The following SPATA13 variants were observed in gnomAD, a reference collection of about 807,000 sequenced individuals.
SPATA13 encodes the protein spermatogenesis associated 13.
Under a neutral mutation model 104.0 loss-of-function variants are expected in SPATA13, and 50 were observed. The ratio of observed to expected loss-of-function variants is 0.48; its 90% CI spans 0.38 to 0.61. The LOEUF (loss-of-function observed/expected upper bound fraction) is 0.61, where lower values mean the gene tolerates loss of function less well. Ranked by LOEUF, SPATA13 falls within the 20% of genes least tolerant of loss-of-function variation. SPATA13 has a pLI of 0.00. For missense variants in SPATA13, 1,524 were observed against 1,690.6 expected (o/e 0.90, Z 1.73); for synonymous variants, 606 against 667.5 (o/e 0.91, Z 1.42).
rs58632380 is a variant in SPATA13, at chr13:24,299,213, T to G, written c.3584-1188T>G. ...GTTTGGATTCCCAAAGACGGCACTA[T>G]TTAGTGGGGGCATCCTATGTGCTTT... is the stretch of plus-strand genomic sequence containing the variant. On this transcript the variant is annotated intron_variant, in intron 11 of 12. Transcript: ENST00000382108. Among the ~76,000 whole-genome samples the G allele has an allele frequency of 6.3e-3, 952 of 152,242 alleles. 14 individuals carry two copies. The highest frequency in any genetic ancestry group is 0.022 in the African/African-American group (909 of 41,530).
In SPATA13 at chr13:24,223,934, G is replaced by C. The variant is rs1294207186; in HGVS notation, c.1005G>C (p.Glu335Asp). Residue 335 changes from glutamate (E) to aspartate (D), a missense_variant, in exon 2 of 13, where the codon GAG (glutamate) becomes GAC (aspartate). Around this residue, in one of 2 missense-constraint regions of SPATA13, gnomAD observed 1,089 missense variants for 1,135.9 expected, o/e 0.96. Transcript: ENST00000382108. ...TGACTGAGGCTGCCTGGAGGAGGGA[G>C]AGTCCTAGGAGTGGGGCCCCATCCC... is the stretch of plus-strand genomic sequence containing the variant. ...SNVTEAAWRR[E>D]SPRSGAPSPG... is the part of the protein sequence containing the mutation. The C allele has an allele frequency of 1.3e-6, 2 of 1,550,378 alleles. No individual in the cohort carries two copies. The highest frequency in any genetic ancestry group is 2.7e-5 in the African/African-American group (2 of 73,020).
In SPATA13 at chr13:24,089,944, A is replaced by G. The variant is rs546916440; in HGVS notation, c.-112+72243A>G. ...AACGCTGTGTTTTCACATGGCATGG[A>G]CTTGTCCCCTCAAACCCTTTTATAA... is the stretch of plus-strand genomic sequence containing the variant. On this transcript the variant is annotated intron_variant, in intron 3 of 14. Coordinates refer to the SPATA13 transcript ENST00000424834. Among the ~76,000 whole-genome samples, 19 of 152,270 alleles carry G rather than the reference A, an allele frequency of 1.2e-4. No individual in the cohort carries two copies. In the South Asian group the frequency reaches 3.9e-3, roughly 32 times the overall value.
intron 1 of SPATA13, among the ~76,000 whole-genome samples, chr13:24,181,343 T>C (rs1024747629): frequency 2.7e-5 from 4 of 148,544 alleles, no homozygotes; most frequent in East Asian, 3.8e-4. Context: ...ACTATAAGCT[T>C]GTTACTTTAT....
At chr13:24,186,532 C>T (rs1057074783) in intron 1 of SPATA13, among the ~76,000 whole-genome samples, 4 of 152,116 alleles carry the variant, frequency 2.6e-5, no homozygotes, top group Non-Finnish European at 4.4e-5. Flanking sequence ...CAATGTTCTA[C>T]GAGTCAAGAT....
chr13:24,030,432 A>T (rs920105922), intron 3 of SPATA13, among the ~76,000 whole-genome samples: 2 of 152,136 alleles, frequency 1.3e-5, no homozygotes, highest in Admixed American at 1.3e-4. Context: ...TAGGGTGCTT[A>T]TGCTCTCCTT....
At chr13:24,202,819 A>T (rs1334581469) in intron 1 of SPATA13, among the ~76,000 whole-genome samples, 1 of 152,100 alleles carries the variant, frequency 6.6e-6, no homozygotes, top group Non-Finnish European at 1.5e-5. Context: ...TTACGTTATG[A>T]ACACGGCTTA....
chr13:24,240,112 C>T lies in SPATA13; in HGVS notation c.1654-9365C>T, dbSNP rs796622310. ...TTGAGCTCAGGAGCTCAAGACCAGC[C>T]TGGCCAACATGGCAAAACCCTGTCC... On this transcript the variant is annotated intron_variant, in intron 2 of 12. Transcript: ENST00000382108. Among the ~76,000 whole-genome samples the T allele has an allele frequency of 2.4e-3, 359 of 151,358 alleles. 1 individual carries two copies. The highest frequency in any genetic ancestry group is 8.6e-3 in the African/African-American group (352 of 40,754).
chr13:24,021,072 A>T (rs1295270431), intron 3 of SPATA13, among the ~76,000 whole-genome samples: 1 of 152,208 alleles, frequency 6.6e-6, no homozygotes, highest in Admixed American at 6.5e-5. Context: ...GCTCATAAAC[A>T]TGTGCATGTC....
intron 2 of SPATA13, among the ~76,000 whole-genome samples, chr13:24,246,498 A>C (rs1873138623): frequency 6.6e-6 from 1 of 152,210 alleles, no homozygotes; most frequent in South Asian, 2.1e-4. Context: ...TAGCAAAAGA[A>C]AAGACATGTT....
intron 3 of SPATA13, among the ~76,000 whole-genome samples, chr13:24,030,204 T>C (rs1439600470): frequency 6.6e-6 from 1 of 152,144 alleles, no homozygotes; most frequent in African/African-American, 2.4e-5. Flanking sequence ...GAGTCCCTAG[T>C]TGACATTAGG....
At chr13:24,234,840 A>G (rs1213999039) in intron 2 of SPATA13, among the ~76,000 whole-genome samples, 1 of 152,030 alleles carries the variant, frequency 6.6e-6, no homozygotes, top group East Asian at 1.9e-4. Context: ...TCCCAATTTG[A>G]GTGGTCAGGA....
At chr13:24,281,774 T>C (rs1875541084) in intron 4 of SPATA13, among the ~76,000 whole-genome samples, 1 of 151,988 alleles carries the variant, frequency 6.6e-6, no homozygotes, top group African/African-American at 2.4e-5. Flanking sequence ...GGCTGCCAGG[T>C]GGGAGGTGGC....
Position 24,290,935 on chromosome 13 carries a change from G to A in SPATA13, c.3080+51G>A, listed in dbSNP as rs575956777. ...GGTGAGAGCACTGCTGCCATTACCC[G>A]TAGGCAGCTCTTAACTCCAGGCAGT... On this transcript the variant is annotated intron_variant, in intron 9 of 12. Coordinates refer to ENST00000382108, the MANE Select transcript of SPATA13 (RefSeq NM_001166271.3). 1.8e-5 allele frequency: 26 copies of A among 1,449,940 alleles called. 1 individual carries two copies. The Middle Eastern group carries it at 1.3e-3, about 71-fold the overall frequency. The allele number at this position is 1,449,940 out of a possible 1,614,324, so 89.8% of individuals were successfully genotyped here.
At chr13:24,151,227 G>A (rs1034383541) in intron 3 of SPATA13, among the ~76,000 whole-genome samples, 2 of 152,156 alleles carry the variant, frequency 1.3e-5, no homozygotes, top group African/African-American at 4.8e-5. Context: ...GTGGGCATGC[G>A]TCCTTCAGCA....
intron 4 of SPATA13, chr13:24,271,055 T>A: frequency 2.9e-6 from 2 of 684,602 alleles, no homozygotes; most frequent in South Asian, 1.6e-5. Flanking sequence ...TCTCTCTCTC[T>A]CTCACTCTCT....
chr13:24,043,307 G>A (rs1878001112), intron 3 of SPATA13, among the ~76,000 whole-genome samples: 1 of 125,368 alleles, frequency 8.0e-6, no homozygotes, highest in Admixed American at 7.9e-5. Flanking sequence ...GTACTTATGT[G>A]GTGGATGCTA....
Position 24,069,984 on chromosome 13 carries a change from C to T in SPATA13, c.-112+52283C>T, listed in dbSNP as rs79022616. Among the ~76,000 whole-genome samples the T allele has an allele frequency of 3.6e-3, 555 of 152,252 alleles. 15 individuals carry two copies. The East Asian group carries it at 0.062, about 17-fold the overall frequency. Reference sequence around the variant, plus strand: ...CATTCCTATCTGAGATGTGGGAGTGCGGTAGAGGGGTCTCTGGCAAGTAAC... The same window carrying T: ...CATTCCTATCTGAGATGTGGGAGTGTGGTAGAGGGGTCTCTGGCAAGTAAC... On this transcript the variant is annotated intron_variant, in intron 3 of 14. Coordinates refer to the SPATA13 transcript ENST00000424834.
intron 3 of SPATA13, among the ~76,000 whole-genome samples, chr13:24,142,400 T>A (rs1439210519): frequency 1.3e-5 from 2 of 152,190 alleles, no homozygotes; most frequent in Non-Finnish European, 2.9e-5. Context: ...TATAGTTCTT[T>A]AGTTTTTCTT....
chr13:23,989,294 C>T (rs765414224), intron 2 of SPATA13, among the ~76,000 whole-genome samples: 3 of 151,924 alleles, frequency 2.0e-5, no homozygotes, highest in Middle Eastern at 3.4e-3. Flanking sequence ...TAGTAGCATG[C>T]GCCTGTAGTC....
Sources: allele counts gnomAD v4.1 joint callset (sites outside exome capture counted in the v4.1 genomes callset), GRCh38; gene constraint gnomAD v4.1.1; regional missense constraint gnomAD v4.1.1; transcripts MANE v1.5; gene names NCBI Gene and HGNC (gene_info 2026-07-23, HGNC 2026-07-21).